PDE10A: variants seen among roughly 807,000 people sequenced by gnomAD.
PDE10A encodes phosphodiesterase 10A.
In PDE10A, 39 loss-of-function variants were observed where a neutral mutation model predicts 97.7. The ratio of observed to expected loss-of-function variants is 0.40; its 90% CI spans 0.31 to 0.52. PDE10A has a LOEUF of 0.52. Among genes scored for constraint, PDE10A ranks in the 20% least tolerant of loss-of-function variants. The pLI is 0.56. For missense variants in PDE10A, 731 were observed against 1,047.8 expected, an observed-to-expected ratio of 0.70 and a Z score of 4.17; for synonymous variants, 371 against 376.8, an observed-to-expected ratio of 0.98 and a Z score of 0.18.
intron 1 of PDE10A, among the ~76,000 whole-genome samples, chr6:165,794,414 T>A (rs1469841491): frequency 2.0e-5 from 3 of 149,870 alleles, no homozygotes; most frequent in Non-Finnish European, 4.4e-5. Flanking sequence ...CATCACACAC[T>A]CCTACACTCA....
rs78290588 is a variant in PDE10A at position 165,562,652 on chromosome 6, C to T, written c.866-19084G>A. Reference sequence around the variant, plus strand: ...TCCGTGACACTGCACTGCTCCACTACTGCCCTGTACTGACCATGTTATAGT... The same window carrying T: ...TCCGTGACACTGCACTGCTCCACTATTGCCCTGTACTGACCATGTTATAGT... On this transcript the variant is annotated intron_variant, in intron 1 of 21. Transcript: ENST00000539869. Among the ~76,000 whole-genome samples, 653 of 152,304 alleles carry T rather than the reference C, an allele frequency of 4.3e-3. 2 individuals carry two copies. Among genetic ancestry groups the T allele is most frequent in the African/African-American group, 0.015 (624 of 41,582 alleles).
intron 9 of PDE10A, among the ~76,000 whole-genome samples, chr6:165,429,582 T>A (rs546324524): frequency 9.9e-5 from 15 of 152,232 alleles, no homozygotes; most frequent in African/African-American, 3.1e-4. Flanking sequence ...GTCATCGTTG[T>A]TGCTGGAGGC....
chr6:165,695,076 G>C (rs1791408735), intron 1 of PDE10A, among the ~76,000 whole-genome samples: 1 of 152,030 alleles, frequency 6.6e-6, no homozygotes, highest in African/African-American at 2.4e-5. Flanking sequence ...TCTATATAGA[G>C]ACATAAGACT....
chr6:165,862,608 C>T (rs1033996445), intron 1 of PDE10A, among the ~76,000 whole-genome samples: 4 of 151,762 alleles, frequency 2.6e-5, no homozygotes, highest in Non-Finnish European at 5.9e-5. Context: ...CAGGACCACA[C>T]TAACAGGTGC....
At chr6:165,619,464 C>CTAGTGTAGTCTAGTG (rs1787978622) in intron 1 of PDE10A, among the ~76,000 whole-genome samples, 44 of 4,436 alleles carry the variant, frequency 9.9e-3, no homozygotes, top group African/African-American at 0.02. Flanking sequence ...GTAGTGTAGT[C>CTAGTGTAGTCTAGTG]TAGTGTAGTG....
At chr6:165,367,167 G>C (rs1320406892) in intron 18 of PDE10A, among the ~76,000 whole-genome samples, 1 of 151,512 alleles carries the variant, frequency 6.6e-6, no homozygotes, top group Non-Finnish European at 1.5e-5. Context: ...GAGAAACATA[G>C]CAGCTATAAA....
rs1170748254 is a variant in PDE10A, at chr6:165,430,267, C to A, written c.1601+20G>T. ...ACCATTGATTAATAAGAGCTACTAT[C>A]CCTAGAAATGAACACTTACTTTGAT... On this transcript the variant is annotated intron_variant, in intron 9 of 21. Coordinates refer to ENST00000539869, the MANE Select transcript of PDE10A (RefSeq NM_001385079.1). 6.3e-7 allele frequency: 1 copy of A among 1,578,612 alleles called. No individual in the cohort carries two copies. The highest frequency in any genetic ancestry group is 1.7e-5 in the Admixed American group (1 of 58,226).
At chr6:165,387,168 C>G (rs1044764949) in intron 17 of PDE10A, among the ~76,000 whole-genome samples, 6 of 152,182 alleles carry the variant, frequency 3.9e-5, no homozygotes, top group African/African-American at 1.2e-4. Context: ...CATGAGCAAG[C>G]TCAACATCAG....
intron 1 of PDE10A, among the ~76,000 whole-genome samples, chr6:165,788,535 A>AAAG (rs1554321898): frequency 6.0e-5 from 9 of 149,308 alleles, no homozygotes; most frequent in East Asian, 2.0e-4. Flanking sequence ...AAAAAAAAAA[A>AAAG]AAAAGAAAAG....
At chr6:165,582,778 T>G (rs1785689974) in intron 1 of PDE10A, among the ~76,000 whole-genome samples, 1 of 152,164 alleles carries the variant, frequency 6.6e-6, no homozygotes, top group Non-Finnish European at 1.5e-5. Context: ...TTTTATCTCT[T>G]GAAGTTCTTT....
intron 16 of PDE10A, among the ~76,000 whole-genome samples, chr6:165,391,728 T>A (rs1209429440): frequency 6.6e-6 from 1 of 152,180 alleles, no homozygotes; most frequent in East Asian, 1.9e-4. Context: ...ATGCTACTAT[T>A]TTTTTCCTAG....
At chr6:165,417,188 C>T (rs560340947) in intron 11 of PDE10A, among the ~76,000 whole-genome samples, 2 of 152,246 alleles carry the variant, frequency 1.3e-5, no homozygotes, top group Non-Finnish European at 2.9e-5. Flanking sequence ...CTTAAAACAC[C>T]AAAGAGTGAA....
At chr6:165,485,814 G>A (rs9459423) in intron 2 of PDE10A, among the ~76,000 whole-genome samples, 5 of 152,020 alleles carry the variant, frequency 3.3e-5, no homozygotes, top group Admixed American at 6.5e-5. Context: ...GGCTGGTCTC[G>A]AACTCCTGAC....
intron 16 of PDE10A, among the ~76,000 whole-genome samples, chr6:165,390,472 G>A (rs565285286): frequency 2.6e-5 from 4 of 152,168 alleles, no homozygotes; most frequent in East Asian, 3.9e-4. Flanking sequence ...GCGGCAGATC[G>A]GAGCATATTC....
chr6:165,812,679 A>G (rs1779312299), intron 1 of PDE10A, among the ~76,000 whole-genome samples: 1 of 152,222 alleles, frequency 6.6e-6, no homozygotes, highest in Non-Finnish European at 1.5e-5. Flanking sequence ...TTTTAAAAAG[A>G]GAAATGTTTG....
rs191729120 is a variant in PDE10A, at chr6:165,846,533, A to G, written c.-615+140996T>C. Among the ~76,000 whole-genome samples the G allele has an allele frequency of 5.2e-3, 799 of 152,232 alleles. 3 individuals carry two copies. Among genetic ancestry groups the G allele is most frequent in the African/African-American group, 0.018 (767 of 41,552 alleles). On this transcript the variant is annotated intron_variant, in intron 1 of 19. Transcript: ENST00000366882. ...AGAGTTAGCGGCTCCGCGTGCTTTC[A>G]TTTTTCTTTGCATCCCCTCAGCCCT...
rs146618950 is a variant in PDE10A at position 165,605,591 on chromosome 6, C to T, written c.865+56356G>A. ...CATATAACTTTTCTGCTCCTTTTCC[C>T]TCAAGCAAGTTTCTGGCTCCTTCCT... On this transcript the variant is annotated intron_variant, in intron 1 of 21. Coordinates refer to ENST00000539869, the MANE Select transcript of PDE10A (RefSeq NM_001385079.1). Among the ~76,000 whole-genome samples, 108 of 152,150 alleles carry T rather than the reference C, an allele frequency of 7.1e-4. No individual in the cohort carries two copies. The East Asian group carries it at 0.015, about 21-fold the overall frequency.
At chr6:165,605,768 A>G (rs957133667) in intron 1 of PDE10A, among the ~76,000 whole-genome samples, 7 of 152,062 alleles carry the variant, frequency 4.6e-5, no homozygotes, top group African/African-American at 1.7e-4. Context: ...ACATCTTATA[A>G]AAGTTACAAA....
rs892731990 is a variant in PDE10A at position 165,710,991 on chromosome 6, G to A, written c.-614-167423C>T. ...AGGGCAGACCATCCCCGTGGGAGGCGGAACGGCAGAGCGGGTTTCCTTTTT... is the reference window on the plus strand; with the variant it reads ...AGGGCAGACCATCCCCGTGGGAGGCAGAACGGCAGAGCGGGTTTCCTTTTT... On this transcript the variant is annotated intron_variant, in intron 1 of 19. Transcript: ENST00000366882. Among the ~76,000 whole-genome samples the A allele has an allele frequency of 5.3e-5, 8 of 152,314 alleles. No individual in the cohort carries two copies. The East Asian group carries it at 1.2e-3, about 22-fold the overall frequency.
Sources: allele counts gnomAD v4.1 joint callset (sites outside exome capture counted in the v4.1 genomes callset), GRCh38; gene constraint gnomAD v4.1.1; transcripts MANE v1.5; gene names NCBI Gene and HGNC (gene_info 2026-07-23, HGNC 2026-07-21).